Variants in WNK2 observed in about 807,000 individuals in gnomAD.
WNK2 encodes WNK lysine deficient protein kinase 2.
WNK2 carries 67 observed loss-of-function variants against 192.1 expected under a neutral mutation model. That is an observed-to-expected ratio of 0.35 (90% CI 0.29 to 0.43). The LOEUF (loss-of-function observed/expected upper bound fraction) is 0.43, where lower values mean the gene tolerates loss of function less well. Ranked by LOEUF, WNK2 falls within the 20% of genes least tolerant of loss-of-function variation. WNK2 has a pLI of 1.00. For synonymous variants in WNK2, 1,439 were observed against 1,393.9 expected, an observed-to-expected ratio of 1.03 and a Z score of -0.72; for missense variants, 2,698 against 3,089.7, an observed-to-expected ratio of 0.87 and a Z score of 3.01.
intron 16 of WNK2, among the ~76,000 whole-genome samples, chr9:93,266,550 T>C (rs1375658349): frequency 2.6e-5 from 4 of 152,234 alleles, no homozygotes; most frequent in Non-Finnish European, 5.9e-5. Context: ...TAAATTCTCG[T>C]ATGTGGCACT....
At chr9:93,220,750 G>A (rs570582948) in intron 2 of WNK2, among the ~76,000 whole-genome samples, 290 of 152,282 alleles carry the variant, frequency 1.9e-3, no homozygotes, top group African/African-American at 6.7e-3. Flanking sequence ...GGCTTTGTGG[G>A]TGTGGTGGGC....
chr9:93,301,741 G>A (rs1305369972), intron 26 of WNK2, among the ~76,000 whole-genome samples: 1 of 152,218 alleles, frequency 6.6e-6, no homozygotes, highest in Non-Finnish European at 1.5e-5. Context: ...TGGGGGCGAG[G>A]GCACCTGGGA....
intron 2 of WNK2, among the ~76,000 whole-genome samples, chr9:93,223,768 T>C (rs949288829): frequency 6.6e-6 from 1 of 152,198 alleles, no homozygotes; most frequent in Non-Finnish European, 1.5e-5. Flanking sequence ...GCAGGGAGGC[T>C]CTTCCCACCA....
rs138670517 is a variant in WNK2, at chr9:93,222,650, T to C, written c.682-7046T>C. Among the ~76,000 whole-genome samples the C allele has an allele frequency of 4.9e-3, 743 of 152,236 alleles. 2 individuals are homozygous for C. The highest frequency in any genetic ancestry group is 0.017 in the African/African-American group (712 of 41,532). ...CTCACACTCCTTGGCCACTTTTATT[T>C]GGTGGTGTCGGGAAAAATGTTCATC... On this transcript the variant is annotated intron_variant, in intron 2 of 29. Coordinates refer to ENST00000427277, the MANE Select transcript of WNK2 (RefSeq NM_006648.4).
At chr9:93,297,153 C>G (rs1850725098) in intron 23 of WNK2, among the ~76,000 whole-genome samples, 1 of 146,264 alleles carries the variant, frequency 6.8e-6, no homozygotes, top group Non-Finnish European at 1.5e-5. Flanking sequence ...TCATCCCCTC[C>G]CCATCCTCCC....
At chr9:93,317,924 TC>T in intron 29 of WNK2, 8 of 1,598,866 alleles carry the variant, frequency 5.0e-6, no homozygotes, top group African/African-American at 1.3e-5. Flanking sequence ...GGCCTCCGAG[TC>T]CCCCCCACCG....
At chr9:93,308,921 C>G (rs1358899004) in intron 28 of WNK2, 1 of 1,149,840 alleles carries the variant, frequency 8.7e-7, no homozygotes, top group Non-Finnish European at 1.1e-6. Flanking sequence ...GGCAGACAGG[C>G]CCACCTCTGC....
intron 28 of WNK2, chr9:93,309,197 T>C (rs1319160450): frequency 8.7e-6 from 8 of 924,132 alleles, no homozygotes; most frequent in African/African-American, 1.8e-5. Flanking sequence ...TGTGAATCCA[T>C]CTGGGCTGGA....
At chr9:93,269,276 G>A (rs943487699) in intron 19 of WNK2, among the ~76,000 whole-genome samples, 1 of 152,154 alleles carries the variant, frequency 6.6e-6, no homozygotes, top group African/African-American at 2.4e-5. Context: ...GTTAAATCTT[G>A]TTGGTCCTTT....
chr9:93,247,456 C>A lies in WNK2; in HGVS notation c.1543-87C>A. The A allele has an allele frequency of 6.9e-7, 1 of 1,447,124 alleles. No homozygotes were observed. The allele number at this position is 1,447,124 out of a possible 1,614,324, so 89.6% of individuals were successfully genotyped here. On this transcript the variant is annotated intron_variant, in intron 7 of 29. Coordinates refer to ENST00000427277, the MANE Select transcript of WNK2 (RefSeq NM_006648.4). This position sits in a 1 kb window ranked among gnomAD's most constrained non-coding sequence, Gnocchi z 5.2. ...GGCGAGCGTGTCCTGCGTGGATGAG[C>A]CAGTGATGGGAAAGCACTTTAGGTA... is the stretch of plus-strand genomic sequence containing the variant.
At position 93,238,217 on chromosome 9, in the gene WNK2, G is replaced by C. The variant is rs758886212; in HGVS notation, c.1234-16G>C. ...GCAGCCGATCGGGTCAGGTAACTCT[G>C]CTCTCTCCCTGTCAGGGTATCAAGC... On this transcript the variant is annotated splice_polypyrimidine_tract_variant and intron_variant, in intron 5 of 29. Coordinates refer to ENST00000427277, the MANE Select transcript of WNK2 (RefSeq NM_006648.4). The C allele has an allele frequency of 6.2e-7, 1 of 1,613,584 alleles. No individual in the cohort carries two copies. The highest frequency in any genetic ancestry group is 1.1e-5 in the South Asian group (1 of 91,050).
At chr9:93,184,562 C>T (rs907742072) in intron 1 of WNK2, among the ~76,000 whole-genome samples, 177 bp downstream of exon 1, 1 of 152,166 alleles carries the variant, frequency 6.6e-6, no homozygotes, top group Non-Finnish European at 1.5e-5. Flanking sequence ...ACAGCTGCCT[C>T]CGGGACAGCC....
At chr9:93,291,895 T>C (rs1432088026) in intron 21 of WNK2, among the ~76,000 whole-genome samples, 4 of 152,184 alleles carry the variant, frequency 2.6e-5, no homozygotes, top group Admixed American at 2.6e-4. Context: ...GTGACAGTTT[T>C]TGAGACACCG....
chr9:93,319,077 G>A, intron 29 of WNK2: 1 of 1,613,098 alleles, frequency 6.2e-7, no homozygotes, highest in Non-Finnish European at 8.5e-7. Context: ...CCTGTTCCTT[G>A]AGTGAAGTGG....
At chr9:93,283,429 A>T (rs982542701) in intron 19 of WNK2, among the ~76,000 whole-genome samples, 3 of 152,202 alleles carry the variant, frequency 2.0e-5, no homozygotes, top group Non-Finnish European at 4.4e-5. Flanking sequence ...GGAGAGAGAA[A>T]GACATAAGTA....
At chr9:93,263,334 C>G in intron 14 of WNK2, 1 of 587,998 alleles carries the variant, frequency 1.7e-6, no homozygotes. Flanking sequence ...GGTAACGCAG[C>G]TAGTAGCTAG....
chr9:93,189,790 G>A (rs1268718175), intron 2 of WNK2, among the ~76,000 whole-genome samples: 2 of 152,250 alleles, frequency 1.3e-5, no homozygotes, highest in African/African-American at 4.8e-5. Flanking sequence ...CGCAGCCTTA[G>A]GCCAGGGTTT....
intron 12 of WNK2, 54 bp from the exon 13 acceptor site, chr9:93,261,760 C>T: frequency 2.6e-6 from 4 of 1,540,662 alleles, no homozygotes; most frequent in Non-Finnish European, 3.5e-6. Context: ...GGCACGGCCC[C>T]CTCAGTGAAG....
At chr9:93,248,749 T>A (rs1842137180) in intron 8 of WNK2, among the ~76,000 whole-genome samples, 1 of 152,254 alleles carries the variant, frequency 6.6e-6, no homozygotes, top group Non-Finnish European at 1.5e-5. Context: ...CTTCTGCACA[T>A]ACAGGCAGAA....
Sources: gnomAD v4.1 joint callset for allele counts (sites outside exome capture counted in the v4.1 genomes callset) on GRCh38, gnomAD v4.1.1 for gene constraint, Gnocchi (gnomAD v3.1) non-coding constraint, MANE v1.5 for transcripts, NCBI Gene and HGNC (gene_info 2026-07-23, HGNC 2026-07-21) for gene names.